The following TMLHE variants were observed in gnomAD, a reference collection of about 807,000 sequenced individuals.
TMLHE encodes trimethyllysine hydroxylase, epsilon, also known as trimethyllysine dioxygenase, mitochondrial.
In TMLHE, 18 loss-of-function variants were observed where a neutral mutation model predicts 25.7. The observed-to-expected ratio is 0.70, with a 90% confidence interval of 0.48 to 1.04. TMLHE has a LOEUF of 1.04. Ranked by LOEUF, TMLHE falls within the 50% of genes least tolerant of loss-of-function variation. TMLHE has a pLI of 0.00. For synonymous variants in TMLHE, 105 were observed against 97.0 expected, an observed-to-expected ratio of 1.08 and a Z score of -0.49; for missense variants, 236 against 259.0, an observed-to-expected ratio of 0.91 and a Z score of 0.61.
At chrX:155,575,151 T>C (rs1603078542) in intron 1 of TMLHE, among the ~76,000 whole-genome samples, 1 of 112,105 alleles carries the variant, frequency 8.9e-6, no homozygotes. Flanking sequence ...CAGACCACTT[T>C]CCTTGGCTTG....
At chrX:155,511,470 A>C (rs1196448316) in intron 5 of TMLHE, among the ~76,000 whole-genome samples, 1 of 109,314 alleles carries the variant, frequency 9.1e-6, no homozygotes, top group African/African-American at 3.3e-5. Flanking sequence ...ATTTATTTAT[A>C]GCAATGCAAG....
intron 3 of TMLHE, among the ~76,000 whole-genome samples, chrX:155,522,941 C>T (rs1557335957): frequency 9.1e-6 from 1 of 109,804 alleles, no homozygotes; most frequent in African/African-American, 3.3e-5. Flanking sequence ...AAACTGTTTT[C>T]CAGAGTGTAC....
intron 1 of TMLHE, among the ~76,000 whole-genome samples, chrX:155,591,982 G>A (rs2067696159): frequency 9.0e-6 from 1 of 111,585 alleles, no homozygotes; most frequent in Non-Finnish European, 1.9e-5. Flanking sequence ...AAGAAAATGT[G>A]GTATGTATAC....
intron 1 of TMLHE, among the ~76,000 whole-genome samples, chrX:155,587,544 G>A (rs2067672548): frequency 9.0e-6 from 1 of 111,016 alleles, no homozygotes; most frequent in South Asian, 3.7e-4. Flanking sequence ...GAAATAAAAC[G>A]CATCCAAATT....
intron 1 of TMLHE, among the ~76,000 whole-genome samples, chrX:155,597,186 T>C (rs1557346647): frequency 9.1e-6 from 1 of 109,631 alleles, no homozygotes; most frequent in South Asian, 4.0e-4. Context: ...GCTTCATCCA[T>C]GTCCCTACAA....
At chrX:155,539,064 C>G (rs1239254216) in intron 2 of TMLHE, among the ~76,000 whole-genome samples, 1 of 111,648 alleles carries the variant, frequency 9.0e-6, no homozygotes, top group African/African-American at 3.3e-5. Flanking sequence ...CTCACCAAAA[C>G]CCAGTAGGAA....
intron 3 of TMLHE, among the ~76,000 whole-genome samples, chrX:155,523,464 C>A (rs1352873785): frequency 2.7e-5 from 3 of 110,973 alleles, no homozygotes; most frequent in Non-Finnish European, 5.7e-5. Flanking sequence ...GCACTTTTGC[C>A]AAAGATAAGT....
chrX:155,512,173 AATT>A (rs2067117950), intron 4 of TMLHE, among the ~76,000 whole-genome samples: 1 of 110,332 alleles, frequency 9.1e-6, no homozygotes, highest in African/African-American at 3.3e-5. Flanking sequence ...TTATTTTATT[AATT>A]ATTATTATAC....
At chrX:155,595,218 A>G (rs1461730218) in intron 1 of TMLHE, among the ~76,000 whole-genome samples, 1 of 112,142 alleles carries the variant, frequency 8.9e-6, no homozygotes, top group Non-Finnish European at 1.9e-5. Context: ...TACTGTAGTT[A>G]TACTACTATA....
At position 155,601,040 on chromosome X, in the gene TMLHE, G is replaced by A. The variant is rs782584680; in HGVS notation, c.-2+11752C>T. ...ACCCTGTGGGGGAGGCCAGAAGGCA[G>A]TGGAATAGCAAAATGCTGAAAGAAA... On this transcript the variant is annotated intron_variant, in intron 1 of 7. Coordinates refer to ENST00000334398, the MANE Select transcript of TMLHE (RefSeq NM_018196.4). Among the ~76,000 whole-genome samples the A allele has an allele frequency of 1.3e-4, 15 of 112,281 alleles. No homozygotes were observed. The East Asian group carries it at 2.0e-3, about 15-fold the overall frequency.
Position 155,567,661 on chromosome X carries a change from A to C in TMLHE, c.-1-22384T>G, listed in dbSNP as rs1440364991. ...GTATTAATTCAAGAAAAACTATTGA[A>C]TCTTGAGTACAAATGGTAGAAATCT... On this transcript the variant is annotated intron_variant, in intron 1 of 7. Coordinates refer to ENST00000334398, the MANE Select transcript of TMLHE (RefSeq NM_018196.4). 1.8e-4 allele frequency among the ~76,000 whole-genome samples: 11 copies of C among 62,213 alleles called. 5 individuals carry two copies. The highest frequency in any genetic ancestry group is 5.0e-4 in the Non-Finnish European group (11 of 22,195). 54.0% of individuals were successfully genotyped at this position (62,213 alleles called of 115,157 possible).
intron 1 of TMLHE, among the ~76,000 whole-genome samples, chrX:155,606,098 C>G (rs1398181797): frequency 8.9e-6 from 1 of 111,892 alleles, no homozygotes; most frequent in Non-Finnish European, 1.9e-5. Flanking sequence ...ATTCATAAAA[C>G]CAGTTTTCAG....
intron 2 of TMLHE, among the ~76,000 whole-genome samples, chrX:155,529,762 A>C (rs1156565986): frequency 8.9e-6 from 1 of 111,994 alleles, no homozygotes; most frequent in Non-Finnish European, 1.9e-5. Context: ...CCTTATCACA[A>C]ATACAGTTTG....
intron 4 of TMLHE, among the ~76,000 whole-genome samples, chrX:155,513,781 C>T (rs2067133650): frequency 9.0e-6 from 1 of 111,138 alleles, no homozygotes; most frequent in Admixed American, 9.6e-5. Context: ...ACTCTGCAGT[C>T]ATCATTATAT....
chrX:155,606,854 A>G (rs2067790185), intron 1 of TMLHE, among the ~76,000 whole-genome samples: 1 of 109,789 alleles, frequency 9.1e-6, no homozygotes, highest in Non-Finnish European at 1.9e-5. Context: ...TCTGCACACA[A>G]ACTAGAAAAC....
At chrX:155,524,263 G>T in intron 3 of TMLHE, 193 bp downstream of exon 3, 1 of 357,325 alleles carries the variant, frequency 2.8e-6, no homozygotes, top group Non-Finnish European at 4.8e-6. Context: ...TCACTATTAA[G>T]TATAATGTTA....
rs1488974342 is a variant in TMLHE, at chrX:155,515,083, G to T, written c.359-818C>A. 2.7e-5 allele frequency among the ~76,000 whole-genome samples: 3 copies of T among 110,962 alleles called. No individual in the cohort carries two copies. The South Asian group carries it at 1.1e-3, about 42-fold the overall frequency. On this transcript the variant is annotated intron_variant, in intron 3 of 7. Transcript: ENST00000334398. The stretch of plus-strand genomic sequence containing the variant: ...TGGATAATTTGGAAAGCATAAAAAA[G>T]TATGAGGAAATTAAAAGTCACCATG...
intron 4 of TMLHE, 25 bp from the exon 5 acceptor site, chrX:155,511,817 C>G: frequency 8.8e-7 from 1 of 1,140,190 alleles, no homozygotes; most frequent in Non-Finnish European, 1.2e-6. Flanking sequence ...AAAGAAAGAC[C>G]TGTTAGCTAT....
intron 6 of TMLHE, 112 bp downstream of exon 6, chrX:155,506,786 G>A: frequency 1.6e-6 from 1 of 623,013 alleles, no homozygotes; most frequent in East Asian, 3.3e-5. Context: ...AAAAGCTATA[G>A]AATAGCAAGA....
Sources: allele counts gnomAD v4.1 joint callset (sites outside exome capture counted in the v4.1 genomes callset), GRCh38; gene constraint gnomAD v4.1.1; transcripts MANE v1.5; gene names NCBI Gene and HGNC (gene_info 2026-07-23, HGNC 2026-07-21).